Variants in AIRE observed in about 807,000 individuals in gnomAD.
The protein encoded by AIRE is autoimmune regulator.
AIRE carries 52 observed loss-of-function variants against 62.1 expected under a neutral mutation model. That is an observed-to-expected ratio of 0.84 (90% CI 0.67 to 1.06). The LOEUF is 1.06. Ranked by LOEUF, AIRE falls within the 50% of genes least tolerant of loss-of-function variation. The pLI is 0.00. For missense variants in AIRE, 774 were observed against 755.8 expected (o/e 1.02, Z -0.28); for synonymous variants, 342 against 321.6 (o/e 1.06, Z -0.68).
Position 44,297,384 on chromosome 21 carries a change from A to G in AIRE, c.1567-272A>G, listed in dbSNP as rs1053581903. ...CCATGGGGATGTGCCCTGGGCTTAT[A>G]GGATGTGGTGAAGTACACAGGACAG... On this transcript the variant is annotated intron_variant, in intron 13 of 13. Coordinates refer to ENST00000291582, the MANE Select transcript of AIRE (RefSeq NM_000383.4). The surrounding 1 kb of genome is among the most constrained non-coding windows in gnomAD (Gnocchi z 4.8). Among the ~76,000 whole-genome samples, 7 of 148,224 alleles carry G rather than the reference A, an allele frequency of 4.7e-5. No individual in the cohort carries two copies. Among genetic ancestry groups the G allele is most frequent in the African/African-American group, 1.7e-4 (7 of 40,200 alleles).
chr21:44,291,309 C>T (rs2040537998), intron 8 of AIRE, 99 bp downstream of exon 8: 2 of 1,517,808 alleles, frequency 1.3e-6, no homozygotes, highest in Non-Finnish European at 1.8e-6. Flanking sequence ...CTCTCCCATC[C>T]AAGATGGAAA....
At chr21:44,288,229 T>G in intron 4 of AIRE, 116 bp from the exon 5 acceptor site, 1 of 875,760 alleles carries the variant, frequency 1.1e-6, no homozygotes, top group South Asian at 1.4e-5. Flanking sequence ...CTCCTTGGCC[T>G]GCCCTGGCTG....
rs369755644 is a variant in AIRE, at chr21:44,297,528, C to T, written c.1567-128C>T. The T allele has an allele frequency of 5.5e-5, 47 of 856,700 alleles. No individual in the cohort carries two copies. The highest frequency in any genetic ancestry group is 5.4e-5 in the Non-Finnish European group (28 of 523,246). 53.1% of individuals were successfully genotyped at this position (856,700 alleles called of 1,614,324 possible). ...CAGACTGGCCTGTGCCATGGGGCCT[C>T]GGGCCTCAGTTTCCCCACCTTTGAC... is the stretch of plus-strand genomic sequence containing the variant. On this transcript the variant is annotated intron_variant, in intron 13 of 13. Coordinates refer to ENST00000291582, the MANE Select transcript of AIRE (RefSeq NM_000383.4). This position sits in a 1 kb window ranked among gnomAD's most constrained non-coding sequence, Gnocchi z 4.8.
At position 44,285,932 on chromosome 21, in the gene AIRE, G is replaced by A; in HGVS notation, c.-75G>A. On this transcript the variant is annotated 5_prime_UTR_variant, in exon 1 of 14. Coordinates refer to ENST00000291582, the MANE Select transcript of AIRE (RefSeq NM_000383.4). ...AGGCCCCACAGCCCCGCCGGGACCCGAGGCCAAGCGAGGGGCTGCCAGTGT... is the reference window on the plus strand; with the variant it reads ...AGGCCCCACAGCCCCGCCGGGACCCAAGGCCAAGCGAGGGGCTGCCAGTGT... The A allele has an allele frequency of 6.9e-7, 1 of 1,438,982 alleles. No homozygotes were observed. The highest frequency in any genetic ancestry group is 9.2e-7 in the Non-Finnish European group (1 of 1,085,618). The allele number at this position is 1,438,982 out of a possible 1,614,324, so 89.1% of individuals were successfully genotyped here. A position where few individuals can be genotyped will look rare whatever the true frequency, so the allele number is the denominator to read the frequency against.
rs560103155 is a variant in AIRE at position 44,292,433 on chromosome 21, C to T, written c.1095+32C>T. 8 of 1,468,334 alleles carry T rather than the reference C, an allele frequency of 5.4e-6. No homozygotes were observed. The East Asian group carries it at 1.7e-4, about 32-fold the overall frequency. 91.0% of individuals were successfully genotyped at this position (1,468,334 alleles called of 1,614,324 possible). A position where few individuals can be genotyped will look rare whatever the true frequency, so the allele number is the denominator to read the frequency against. ...CCACGCCCCCTCCTAGCCGGGCCAC[C>T]CCTCCTGTCCACATGGCCACGCCCC... On this transcript the variant is annotated intron_variant, in intron 9 of 13. Coordinates refer to ENST00000291582, the MANE Select transcript of AIRE (RefSeq NM_000383.4).
chr21:44,289,828 G>A, intron 6 of AIRE, 26 bp downstream of exon 6: 2 of 1,612,080 alleles, frequency 1.2e-6, no homozygotes, highest in Non-Finnish European at 1.7e-6. Context: ...TCCCTGGGGA[G>A]CCTGGCTCTT....
At chr21:44,295,584 T>C (rs1436879696) in intron 12 of AIRE, among the ~76,000 whole-genome samples, 1 of 152,194 alleles carries the variant, frequency 6.6e-6, no homozygotes, top group Non-Finnish European at 1.5e-5. Flanking sequence ...GTCATTAACC[T>C]CCTGGGTTCT....
In AIRE at chr21:44,286,328, C is replaced by T. The variant is rs1436779978; in HGVS notation, c.132+190C>T. The stretch of plus-strand genomic sequence containing the variant: ...AGTTGGTCCCCTTCCCCCAGCCGTC[C>T]CCACACCTCACCCCCAAGCCAAGGG... On this transcript the variant is annotated intron_variant, in intron 1 of 13. Coordinates refer to ENST00000291582, the MANE Select transcript of AIRE (RefSeq NM_000383.4). This position sits in a 1 kb window ranked among gnomAD's most constrained non-coding sequence, Gnocchi z 6.0. Among the ~76,000 whole-genome samples the T allele has an allele frequency of 5.3e-5, 8 of 152,134 alleles. No individual in the cohort carries two copies. Among genetic ancestry groups the T allele is most frequent in the South Asian group, 2.1e-4 (1 of 4,818 alleles).
intron 10 of AIRE, 112 bp from the exon 11 acceptor site, chr21:44,293,677 A>AC (rs2040569118): frequency 6.6e-7 from 1 of 1,517,550 alleles, no homozygotes; most frequent in African/African-American, 1.4e-5. Context: ...TTGCGCCTAG[A>AC]CCCGCCGTCC....
rs143522755 is a variant in AIRE at position 44,288,682 on chromosome 21, C to T, written c.652+224C>T. The T allele has an allele frequency of 2.0e-3, 1,113 of 551,414 alleles. 7 individuals are homozygous for T. Among genetic ancestry groups the T allele is most frequent in the South Asian group, 7.4e-3 (346 of 46,824 alleles). The allele number at this position is 551,414 out of a possible 1,614,324, so 34.2% of individuals were successfully genotyped here. On this transcript the variant is annotated intron_variant, in intron 5 of 13. Transcript: ENST00000291582. ...CAAGGCCAGCGGTCCAGGCCCACAT[C>T]CCCACCCGGGATGTACAGCACTCCC...
chr21:44,287,537 C>T lies in AIRE; in HGVS notation c.484C>T (p.Pro162Ser), dbSNP rs867979277. 8.3e-6 allele frequency: 13 copies of T among 1,557,416 alleles called. No individual in the cohort carries two copies. The East Asian group carries it at 2.1e-4, about 26-fold the overall frequency. ...TTCAGGCTCTCAACTGAAGGCCAAG[C>T]CCCCCAAGAAGCCGGAGAGCAGCGC... The part of the protein sequence containing the change: ...ASPGSQLKAK[P>S]PKKPESSAEQ... Residue 162 changes from proline (P) to serine (S), a missense_variant, in exon 4 of 14, where the codon CCC becomes TCC. Physicochemically the swap from Pro to Ser is moderately conservative, Grantham distance 74. Transcript: ENST00000291582. This position sits in a 1 kb window ranked among gnomAD's most constrained non-coding sequence, Gnocchi z 4.3.
Position 44,287,014 on chromosome 21 carries a change from C to T in AIRE, c.344C>T (p.Pro115Leu), listed in dbSNP as rs1244111501. 1.2e-6 allele frequency: 2 copies of T among 1,612,826 alleles called. No individual in the cohort carries two copies. The highest frequency in any genetic ancestry group is 1.1e-5 in the South Asian group (1 of 91,076). Residue 115 changes from proline to leucine, a missense_variant, in exon 3 of 14, where the codon CCC (proline) becomes CTC (leucine). By Grantham distance (98) the Pro-to-Leu change is moderately conservative (BLOSUM62 -3). This residue lies in a region of AIRE where 385 missense variants were observed against 396.0 expected (regional missense o/e 0.97). Coordinates refer to ENST00000291582, the MANE Select transcript of AIRE (RefSeq NM_000383.4). This position sits in a 1 kb window ranked among gnomAD's most constrained non-coding sequence, Gnocchi z 4.3. ...AGCCAGCCCCGGAAGGGGAGGAAGCCCCCGGCCGTCCCCAAGGCTTTGGTA... is the reference window on the plus strand; with the variant it reads ...AGCCAGCCCCGGAAGGGGAGGAAGCTCCCGGCCGTCCCCAAGGCTTTGGTA... ...DLSQPRKGRK[P>L]PAVPKALVPP... is the part of the protein sequence containing the mutation.
At chr21:44,296,360 C>G in intron 12 of AIRE, 23 bp from the exon 13 acceptor site, 2 of 1,608,832 alleles carry the variant, frequency 1.2e-6, no homozygotes, top group Non-Finnish European at 1.7e-6. Flanking sequence ...TTGGGCTGAC[C>G]TCTTCTCTTT....
At chr21:44,288,207 GGGCTGGGTCCCCTC>G in intron 4 of AIRE, 124 bp from the exon 5 acceptor site, 1 of 729,162 alleles carries the variant, frequency 1.4e-6, no homozygotes, top group South Asian at 1.5e-5. Context: ...GCACATGGCA[GGGCTGGGTCCCCTC>G]CTTGGCCTGC....
In AIRE at chr21:44,287,735, G is replaced by A; in HGVS notation, c.538+144G>A. The A allele has an allele frequency of 1.1e-6, 1 of 893,180 alleles. No individual in the cohort carries two copies. Among genetic ancestry groups the A allele is most frequent in the African/African-American group, 1.7e-5 (1 of 60,360 alleles). The allele number at this position is 893,180 out of a possible 1,614,324, so 55.3% of individuals were successfully genotyped here. A position where few individuals can be genotyped will look rare whatever the true frequency, so the allele number is the denominator to read the frequency against. On this transcript the variant is annotated intron_variant, in intron 4 of 13. Coordinates refer to ENST00000291582, the MANE Select transcript of AIRE (RefSeq NM_000383.4). The surrounding 1 kb of genome is among the most constrained non-coding windows in gnomAD (Gnocchi z 4.3). ...GTGTGTCATTCCAAGGGCCTAAGCT[G>A]CACCACCAGACCCAGGAAGGGGACA...
rs1289692392 is a variant in AIRE at position 44,293,174 on chromosome 21, A to C, written c.1277A>C (p.Gln426Pro). The change falls in exon 10 of 14, where the codon CAG (glutamine) becomes CCG (proline). Residue 426 changes from glutamine to proline, a missense_variant and splice_region_variant. By Grantham distance (76) the Gln-to-Pro change is moderately conservative. Coordinates refer to ENST00000291582, the MANE Select transcript of AIRE (RefSeq NM_000383.4). ...CTGTGTGTGGGTCCTGAGGGTCAGCAGGTGAGCGGGGAGTGGGGGTCAGGG... is the reference window on the plus strand; with the variant it reads ...CTGTGTGTGGGTCCTGAGGGTCAGCCGGTGAGCGGGGAGTGGGGGTCAGGG... ...PLLCVGPEGQ[Q>P]NLAPGARCGV... 1 of 1,555,702 alleles carries C rather than the reference A, an allele frequency of 6.4e-7. No individual in the cohort carries two copies. Among genetic ancestry groups the C allele is most frequent in the Non-Finnish European group, 8.7e-7 (1 of 1,149,020 alleles).
At position 44,287,449 on chromosome 21, in the gene AIRE, G is replaced by T. The variant is rs1413349749; in HGVS notation, c.464-68G>T. ...CCCCCTCCACGCCCTCCCACCGCGG[G>T]CCCCTGCCCACCGGCACTCACCCCC... On this transcript the variant is annotated intron_variant, in intron 3 of 13. Transcript: ENST00000291582. This position sits in a 1 kb window ranked among gnomAD's most constrained non-coding sequence, Gnocchi z 4.3. 3 of 1,160,062 alleles carry T rather than the reference G, an allele frequency of 2.6e-6. No individual in the cohort carries two copies. In the African/African-American group the frequency reaches 4.6e-5, roughly 18 times the overall value. The allele number at this position is 1,160,062 out of a possible 1,614,324, so 71.9% of individuals were successfully genotyped here.
intron 7 of AIRE, chr21:44,290,884 G>A (rs764403208): frequency 6.2e-7 from 1 of 1,608,368 alleles, no homozygotes; most frequent in African/African-American, 1.3e-5. Context: ...CAATAGGGAT[G>A]GCCCCGGGGG....
Position 44,287,502 on chromosome 21 carries a change from A to G in AIRE, c.464-15A>G. 6.5e-7 allele frequency: 1 copy of G among 1,548,202 alleles called. No individual in the cohort carries two copies. The highest frequency in any genetic ancestry group is 8.7e-7 in the Non-Finnish European group (1 of 1,145,522). On this transcript the variant is annotated splice_polypyrimidine_tract_variant and intron_variant, in intron 3 of 13. Transcript: ENST00000291582. This position sits in a 1 kb window ranked among gnomAD's most constrained non-coding sequence, Gnocchi z 4.3. ...TGAGAGGGGAGGCCAGGCTGCCCCC[A>G]GCTCCCCCATTCAGGCTCTCAACTG...
Sources: gnomAD v4.1 joint callset for allele counts (sites outside exome capture counted in the v4.1 genomes callset) on GRCh38, gnomAD v4.1.1 for gene constraint, gnomAD v4.1.1 regional missense constraint, Gnocchi (gnomAD v3.1) non-coding constraint, MANE v1.5 for transcripts, NCBI Gene and HGNC (gene_info 2026-07-23, HGNC 2026-07-21) for gene names.